Variants in NME6 observed in about 807,000 individuals in gnomAD.
The protein encoded by NME6 is nucleoside diphosphate kinase 6, mitochondrial.
In NME6, 16 loss-of-function variants were observed where a neutral mutation model predicts 22.2. That is an observed-to-expected ratio of 0.72 (90% CI 0.49 to 1.09). The LOEUF (loss-of-function observed/expected upper bound fraction) is 1.09. Ranked by LOEUF, NME6 falls within the 50% of genes least tolerant of loss-of-function variation. The pLI is 0.00. For synonymous variants in NME6, 58 were observed against 85.2 expected (o/e 0.68, Z 1.76); for missense variants, 229 against 239.0 (o/e 0.96, Z 0.28).
At chr3:48,298,626 T>C in intron 1 of NME6, 103 bp from the exon 2 acceptor site, 1 of 727,220 alleles carries the variant, frequency 1.4e-6, no homozygotes, top group Non-Finnish European at 2.2e-6. Flanking sequence ...CTCTCACTCC[T>C]GACACTCATA....
At chr3:48,299,427 CTT>C (rs1277570493) in intron 1 of NME6, among the ~76,000 whole-genome samples, 1 of 152,048 alleles carries the variant, frequency 6.6e-6, no homozygotes, top group East Asian at 1.9e-4. Context: ...GGAGTAAAGA[CTT>C]TGTCTCAAAA....
rs1371514363 is a variant in NME6 at position 48,293,340 on chromosome 3, A to C, written c.*1297T>G. ...AAATTTCCTGGTCTACCATTAGTGA[A>C]AGTGGCAGATGGTGAAGGCAATTTT... On this transcript the variant is annotated 3_prime_UTR_variant, in exon 6 of 6. Transcript: ENST00000442597. The C allele has an allele frequency of 6.6e-6, 1 of 152,220 alleles. No homozygotes were observed. Among genetic ancestry groups the C allele is most frequent in the Non-Finnish European group, 1.5e-5 (1 of 68,042 alleles). The allele number at this position is 152,220 out of a possible 1,614,324, so 9.4% of individuals were successfully genotyped here.
At chr3:48,287,654 TTGA>T (rs2034251213), downstream of NME6, 1 of 152,100 alleles carries the variant, frequency 6.6e-6, no homozygotes, top group Admixed American at 6.6e-5. Context: ...GATCTGTCTC[TTGA>T]TGATCCAAGA....
At chr3:48,301,238 C>G (rs1388724571) in intron 1 of NME6, 115 bp downstream of exon 1, 21 of 1,552,662 alleles carry the variant, frequency 1.4e-5, no homozygotes, top group Non-Finnish European at 1.7e-5. Context: ...CAGCCCCCTA[C>G]TTCTCTAGGC....
At chr3:48,294,910 C>T in intron 5 of NME6, 107 bp from the exon 6 acceptor site, 9 of 1,395,972 alleles carry the variant, frequency 6.4e-6, no homozygotes, top group Non-Finnish European at 8.9e-6. Flanking sequence ...CCCCTTCAGT[C>T]CTGGGGCATG....
downstream of NME6, among the ~76,000 whole-genome samples, chr3:48,287,928 G>A (rs565506292): frequency 4.6e-5 from 7 of 152,236 alleles, no homozygotes; most frequent in Admixed American, 3.3e-4. Context: ...AGTGAGGAAG[G>A]GGGAGGAGGT....
chr3:48,295,418 A>G (rs1353014322), intron 4 of NME6, 183 bp from the exon 5 acceptor site: 1 of 631,802 alleles, frequency 1.6e-6, no homozygotes, highest in Non-Finnish European at 2.6e-6. Flanking sequence ...AAGCCTGCAG[A>G]GATCAGCAGG....
chr3:48,300,356 T>C (rs932569607), intron 1 of NME6: 3 of 456,690 alleles, frequency 6.6e-6, no homozygotes, highest in Non-Finnish European at 1.3e-5. Context: ...TTTGAAAGAA[T>C]TTCTGGCTTG....
At chr3:48,291,557 T>G (rs1365985880), downstream of NME6, 1 of 171,212 alleles carries the variant, frequency 5.8e-6, no homozygotes, top group Non-Finnish European at 1.3e-5. Flanking sequence ...TTTTTTATTT[T>G]TATTTTTGTA....
rs1415452450 is a variant in NME6 at position 48,294,036 on chromosome 3, T to C, written c.*601A>G. 1 of 152,024 alleles carries C rather than the reference T, an allele frequency of 6.6e-6. No homozygotes were observed. The highest frequency in any genetic ancestry group is 1.5e-5 in the Non-Finnish European group (1 of 68,036). The allele number at this position is 152,024 out of a possible 1,614,324, so 9.4% of individuals were successfully genotyped here. ...CTTTTATTGAGGAAGACAGGTCAAA[T>C]GTTGTTTGGAGTCACTGCATTTTTT... On this transcript the variant is annotated 3_prime_UTR_variant, in exon 6 of 6. Coordinates refer to ENST00000442597, the MANE Select transcript of NME6 (RefSeq NM_001308426.2).
chr3:48,290,523 AC>A (rs1379296593), downstream of NME6, among the ~76,000 whole-genome samples: 1 of 152,214 alleles, frequency 6.6e-6, no homozygotes, highest in African/African-American at 2.4e-5. Flanking sequence ...TACTCTACTA[AC>A]TATATTCACC....
chr3:48,300,212 A>G, intron 1 of NME6: 1 of 456,548 alleles, frequency 2.2e-6, no homozygotes, highest in East Asian at 6.9e-5. Flanking sequence ...CTGTTCTTAG[A>G]ATAAAAACCA....
chr3:48,298,216 A>G, intron 2 of NME6: 1 of 597,046 alleles, frequency 1.7e-6, no homozygotes, highest in African/African-American at 1.9e-5. Flanking sequence ...ATTCGGTTCT[A>G]TTATTGCTTT....
chr3:48,294,220 T>C lies in NME6; in HGVS notation c.*417A>G. 1 of 160,750 alleles carries C rather than the reference T, an allele frequency of 6.2e-6. No individual in the cohort carries two copies. Among genetic ancestry groups the C allele is most frequent in the South Asian group, 1.8e-4 (1 of 5,512 alleles). The allele number at this position is 160,750 out of a possible 1,614,324, so 10.0% of individuals were successfully genotyped here. A position where few individuals can be genotyped will look rare whatever the true frequency, so the allele number is the denominator to read the frequency against. ...CTCTGAGTAGCTGGGATTACAGGCATGCACCACCATGCCTGGCTAATTGTT... is the reference window on the plus strand; with the variant it reads ...CTCTGAGTAGCTGGGATTACAGGCACGCACCACCATGCCTGGCTAATTGTT... On this transcript the variant is annotated 3_prime_UTR_variant, in exon 6 of 6. Transcript: ENST00000442597.
chr3:48,299,851 GCTAACCCACTCTCC>G (rs2035509911), intron 1 of NME6, among the ~76,000 whole-genome samples: 1 of 152,088 alleles, frequency 6.6e-6, no homozygotes, highest in Non-Finnish European at 1.5e-5. Flanking sequence ...TACAAGATCA[GCTAACCCACTCTCC>G]CTAATGCCAC....
At chr3:48,287,933 G>A (rs981481812), downstream of NME6, among the ~76,000 whole-genome samples, 4 of 152,128 alleles carry the variant, frequency 2.6e-5, no homozygotes, top group East Asian at 7.7e-4. Context: ...GGAAGGGGGA[G>A]GAGGTGTTGG....
rs975509419 is a variant in NME6, at chr3:48,298,423, T to C, written c.90+4A>G. On this transcript the variant is annotated splice_donor_region_variant and intron_variant, in intron 2 of 5. Transcript: ENST00000442597. ...TGCGGTAGAGACTTAGGATTCATTC[T>C]TACCTCCAGAATCAGTGGATGGGCG... The C allele has an allele frequency of 1.2e-6, 2 of 1,613,370 alleles. No individual in the cohort carries two copies. The highest frequency in any genetic ancestry group is 1.1e-5 in the South Asian group (1 of 91,080).
intron 2 of NME6, among the ~76,000 whole-genome samples, chr3:48,297,175 T>C (rs894930925): frequency 2.0e-5 from 3 of 152,238 alleles, no homozygotes; most frequent in Admixed American, 1.3e-4. Context: ...AACTCTATAA[T>C]TGACACGTCA....
At chr3:48,295,779 G>A (rs981675802) in intron 4 of NME6, 2 of 350,506 alleles carry the variant, frequency 5.7e-6, no homozygotes, top group Admixed American at 4.5e-5. Flanking sequence ...GCAGTGCCAC[G>A]ATCTTGGCTC....
Sources: allele counts gnomAD v4.1 joint callset (sites outside exome capture counted in the v4.1 genomes callset), GRCh38; gene constraint gnomAD v4.1.1; transcripts MANE v1.5; gene names NCBI Gene and HGNC (gene_info 2026-07-23, HGNC 2026-07-21).